The following SNX29 variants were observed in gnomAD, a reference collection of about 807,000 sequenced individuals.
SNX29 encodes the protein sorting nexin-29.
Under a neutral mutation model 102.1 loss-of-function variants are expected in SNX29, and 78 were observed. The observed-to-expected ratio is 0.76, with a 90% confidence interval of 0.64 to 0.92. The LOEUF (loss-of-function observed/expected upper bound fraction) is 0.92. Among genes scored for constraint, SNX29 ranks in the 40% least tolerant of loss-of-function variants. The pLI is 0.00. For missense variants in SNX29, 1,280 were observed against 1,061.7 expected, an observed-to-expected ratio of 1.21 and a Z score of -2.86; for synonymous variants, 580 against 414.5, an observed-to-expected ratio of 1.40 and a Z score of -4.85.
chr16:12,218,101 ATTGT>A (rs893950218), intron 14 of SNX29, among the ~76,000 whole-genome samples: 4 of 152,242 alleles, frequency 2.6e-5, no homozygotes, highest in African/African-American at 7.2e-5. Context: ...TGATAAAAAA[ATTGT>A]TTGGATATAT....
At chr16:12,373,870 A>G (rs868577413) in intron 16 of SNX29, 19 of 152,236 alleles carry the variant, frequency 1.2e-4, no homozygotes, top group Admixed American at 8.5e-4. Context: ...TTCACATTTT[A>G]CTTGCTGTCA....
intron 13 of SNX29, among the ~76,000 whole-genome samples, chr16:12,159,527 T>C (rs1451558679): frequency 6.6e-6 from 1 of 152,184 alleles, no homozygotes; most frequent in East Asian, 1.9e-4. Context: ...CACATCTGCA[T>C]AGAGACATGG....
At chr16:12,041,688 T>C (rs1237534138) in intron 4 of SNX29, among the ~76,000 whole-genome samples, 2 of 152,218 alleles carry the variant, frequency 1.3e-5, no homozygotes, top group Admixed American at 1.3e-4. Flanking sequence ...CCTCCTCTTC[T>C]GTGTCAAGTT....
intron 13 of SNX29, among the ~76,000 whole-genome samples, chr16:12,167,382 A>G (rs572479584): frequency 6.6e-6 from 1 of 152,244 alleles, no homozygotes; most frequent in African/African-American, 2.4e-5. Flanking sequence ...CAGATGTCAC[A>G]GAGCCTCTGT....
intron 20 of SNX29, among the ~76,000 whole-genome samples, chr16:12,538,411 A>T (rs539034088): frequency 2.6e-5 from 4 of 152,098 alleles, no homozygotes; most frequent in Admixed American, 2.6e-4. Flanking sequence ...TTTTAAAATG[A>T]TGTCTGGGAG....
chr16:12,560,859 G>A (rs1338135692), intron 20 of SNX29: 3 of 184,230 alleles, frequency 1.6e-5, no homozygotes, highest in Non-Finnish European at 3.5e-5. Flanking sequence ...ATGAGAATTG[G>A]TGTTAGTCCT....
intron 13 of SNX29, among the ~76,000 whole-genome samples, chr16:12,184,632 A>G (rs192107299): frequency 1.4e-3 from 213 of 152,258 alleles, no homozygotes; most frequent in African/African-American, 4.9e-3. Context: ...TGACCTGTAA[A>G]AAGCCATCTT....
chr16:12,081,779 T>C (rs1175682099), intron 11 of SNX29: 1 of 153,038 alleles, frequency 6.5e-6, no homozygotes, highest in Non-Finnish European at 1.5e-5. Flanking sequence ...GAAGTTCTGA[T>C]TGCTGGATTT....
At chr16:12,354,874 T>A (rs1597046495) in intron 15 of SNX29, among the ~76,000 whole-genome samples, 1 of 152,244 alleles carries the variant, frequency 6.6e-6, no homozygotes, top group Non-Finnish European at 1.5e-5. Flanking sequence ...CTCAGTGACT[T>A]ATTCTGCCTT....
At chr16:12,243,170 C>G (rs1234053356) in intron 14 of SNX29, among the ~76,000 whole-genome samples, 1 of 152,256 alleles carries the variant, frequency 6.6e-6, no homozygotes, top group African/African-American at 2.4e-5. Flanking sequence ...CCTGGCATCT[C>G]TTGGGCACAC....
chr16:12,013,887 G>A (rs1428838167), intron 3 of SNX29, among the ~76,000 whole-genome samples: 1 of 151,904 alleles, frequency 6.6e-6, no homozygotes, highest in East Asian at 1.9e-4. Context: ...CTGAGCTCAG[G>A]CAATCTACCC....
intron 14 of SNX29, among the ~76,000 whole-genome samples, chr16:12,208,989 G>A (rs1174219505): frequency 6.6e-6 from 1 of 152,128 alleles, no homozygotes. Flanking sequence ...GTACATTGTG[G>A]TGTCATTTAC....
rs78115111 is a variant in SNX29, at chr16:12,459,191, C to T, written c.2038-18528C>T. Among the ~76,000 whole-genome samples, 853 of 150,042 alleles carry T rather than the reference C, an allele frequency of 5.7e-3. 9 individuals carry two copies. The highest frequency in any genetic ancestry group is 0.02 in the African/African-American group (802 of 40,630). ...CCCTATCCTCCTACCCGCCTTTTCC[C>T]CCTTAGGTTCTGCGTCTCTGTACTG... On this transcript the variant is annotated intron_variant, in intron 18 of 20. Transcript: ENST00000566228.
Position 12,045,663 on chromosome 16 carries a change from G to T in SNX29, c.429-721G>T, listed in dbSNP as rs1469628746. ...TATTATTATTTTGAGGTGGAGTCTT[G>T]CTCTTTCGCCCAAGCTGGAGTACAG... On this transcript the variant is annotated intron_variant, in intron 5 of 20. Coordinates refer to ENST00000566228, the MANE Select transcript of SNX29 (RefSeq NM_032167.5). Among the ~76,000 whole-genome samples the T allele has an allele frequency of 1.5e-4, 19 of 126,514 alleles. No individual in the cohort carries two copies. In the East Asian group the frequency reaches 3.8e-3, roughly 25 times the overall value. 83.0% of individuals were successfully genotyped at this position (126,514 alleles called of 152,430 possible).
chr16:12,163,069 A>T (rs2055857313), intron 13 of SNX29, among the ~76,000 whole-genome samples: 1 of 152,110 alleles, frequency 6.6e-6, no homozygotes, highest in South Asian at 2.1e-4. Context: ...TTTAGTAGAG[A>T]TGGGGTTTCA....
At chr16:12,468,303 T>A (rs1422364828) in intron 18 of SNX29, among the ~76,000 whole-genome samples, 1 of 149,992 alleles carries the variant, frequency 6.7e-6, no homozygotes, top group Non-Finnish European at 1.5e-5. Context: ...GCCTCCCGAG[T>A]ACCTGGGATT....
In SNX29 at chr16:12,529,597, G is replaced by A. The variant is rs548872491; in HGVS notation, c.2318+4756G>A. ...GAGAGAGAAAGTTAGGGGGCTGGAAGGTGGCAGAGTAATGTAGGTCACAGC... is the reference window on the plus strand; with the variant it reads ...GAGAGAGAAAGTTAGGGGGCTGGAAAGTGGCAGAGTAATGTAGGTCACAGC... On this transcript the variant is annotated intron_variant, in intron 20 of 20. Transcript: ENST00000566228. Among the ~76,000 whole-genome samples, 289 of 152,308 alleles carry A rather than the reference G, an allele frequency of 1.9e-3. 2 individuals are homozygous for A. Among genetic ancestry groups the A allele is most frequent in the Non-Finnish European group, 3.6e-3 (243 of 68,020 alleles).
At chr16:12,533,557 T>A (rs367934706) in intron 20 of SNX29, among the ~76,000 whole-genome samples, 87 of 152,310 alleles carry the variant, frequency 5.7e-4, no homozygotes, top group African/African-American at 2.0e-3. Flanking sequence ...TCTTACTTTC[T>A]TAGCCTCGTC....
intron 15 of SNX29, among the ~76,000 whole-genome samples, chr16:12,344,689 C>T (rs149551624): frequency 3.9e-5 from 6 of 152,226 alleles, no homozygotes; most frequent in Non-Finnish European, 5.9e-5. Context: ...AATGTTTGCT[C>T]TTAATGACAG....
Sources: gnomAD v4.1 joint callset for allele counts (sites outside exome capture counted in the v4.1 genomes callset) on GRCh38, gnomAD v4.1.1 for gene constraint, MANE v1.5 for transcripts, NCBI Gene and HGNC (gene_info 2026-07-23, HGNC 2026-07-21) for gene names.